TTC7A: variants seen among roughly 807,000 people sequenced by gnomAD.
The protein encoded by TTC7A is tetratricopeptide repeat domain 7A.
Under a neutral mutation model 103.7 loss-of-function variants are expected in TTC7A, and 110 were observed. The ratio of observed to expected loss-of-function variants is 1.06; its 90% CI spans 0.91 to 1.24. TTC7A has a LOEUF of 1.24. Ranked by LOEUF, TTC7A falls within the 50% of genes most tolerant of loss-of-function variation. The pLI is 0.00. For synonymous variants in TTC7A, 521 were observed against 467.9 expected (o/e 1.11, Z -1.47); for missense variants, 1,340 against 1,116.3 (o/e 1.20, Z -2.86).
chr2:47,036,377 C>T (rs1391436127), intron 15 of TTC7A, among the ~76,000 whole-genome samples: 1 of 152,206 alleles, frequency 6.6e-6, no homozygotes, highest in Non-Finnish European at 1.5e-5. Flanking sequence ...GGTGGAGGAT[C>T]ATCATGAGCC....
intron 11 of TTC7A, among the ~76,000 whole-genome samples, chr2:47,012,567 A>C (rs1678185672): frequency 2.0e-5 from 3 of 152,198 alleles, no homozygotes; most frequent in Admixed American, 2.0e-4. Flanking sequence ...CATAATTAGC[A>C]GCCTTTACAA....
chr2:46,917,634 T>C (rs955738190), intron 2 of TTC7A, among the ~76,000 whole-genome samples: 1 of 152,246 alleles, frequency 6.6e-6, no homozygotes, highest in African/African-American at 2.4e-5. Flanking sequence ...TCCTGTGTTA[T>C]GTCTCTCTTG....
intron 2 of TTC7A, among the ~76,000 whole-genome samples, chr2:46,932,816 G>A (rs1288761150): frequency 2.0e-5 from 3 of 149,352 alleles, no homozygotes; most frequent in South Asian, 2.1e-4. Context: ...CAGGAGGATC[G>A]CTTGAACCCA....
At chr2:46,987,225 G>A (rs985995906) in intron 5 of TTC7A, among the ~76,000 whole-genome samples, 3 of 152,244 alleles carry the variant, frequency 2.0e-5, no homozygotes, top group Non-Finnish European at 2.9e-5. Flanking sequence ...GCCCCAGGCA[G>A]TTCGGCCACC....
intron 16 of TTC7A, 33 bp downstream of exon 16, chr2:47,046,464 G>T (rs776417686): frequency 6.3e-7 from 1 of 1,578,382 alleles, no homozygotes; most frequent in Non-Finnish European, 8.7e-7. Context: ...TGGGTTGCCA[G>T]AGGGTGGTTG....
chr2:47,010,839 A>G (rs748367204), intron 10 of TTC7A, among the ~76,000 whole-genome samples: 10 of 152,116 alleles, frequency 6.6e-5, no homozygotes, highest in African/African-American at 1.7e-4. Flanking sequence ...CGTTGGGACT[A>G]TGGACACACG....
At chr2:47,043,076 G>A (rs1428648038) in intron 15 of TTC7A, among the ~76,000 whole-genome samples, 1 of 152,240 alleles carries the variant, frequency 6.6e-6, no homozygotes, top group African/African-American at 2.4e-5. Context: ...GCTCCGCCAG[G>A]CTTCCTGAAG....
At chr2:46,942,770 CCT>C (rs1277690448) in intron 1 of TTC7A, among the ~76,000 whole-genome samples, 1 of 152,198 alleles carries the variant, frequency 6.6e-6, no homozygotes, top group Non-Finnish European at 1.5e-5. Context: ...TGCACTATTA[CCT>C]CTCAAAGATG....
At chr2:46,928,498 G>T (rs1451328711) in intron 2 of TTC7A, among the ~76,000 whole-genome samples, 2 of 150,094 alleles carry the variant, frequency 1.3e-5, no homozygotes, top group African/African-American at 4.9e-5. Flanking sequence ...TGGGCCATGT[G>T]TGGTGGCTCA....
intron 2 of TTC7A, among the ~76,000 whole-genome samples, chr2:46,955,345 G>A (rs529059640): frequency 6.6e-6 from 1 of 152,240 alleles, no homozygotes; most frequent in Non-Finnish European, 1.5e-5. Flanking sequence ...CTGGCCCAGG[G>A]AGTGGATGGC....
intron 2 of TTC7A, among the ~76,000 whole-genome samples, chr2:46,919,800 C>G (rs1275627991): frequency 1.3e-5 from 2 of 152,222 alleles, no homozygotes; most frequent in African/African-American, 4.8e-5. Flanking sequence ...GAACTTAATA[C>G]ACTGCCACCA....
chr2:46,961,605 A>AAATAAATAAATAAATAAAT (rs377767079), intron 3 of TTC7A, among the ~76,000 whole-genome samples: 2 of 140,860 alleles, frequency 1.4e-5, no homozygotes, highest in Non-Finnish European at 3.1e-5. Flanking sequence ...ATAAATAAAT[A>AAATAAATAAATAAATAAAT]AAATAAAAAA....
chr2:46,933,449 T>A (rs1430417908), intron 2 of TTC7A, among the ~76,000 whole-genome samples: 2 of 152,270 alleles, frequency 1.3e-5, no homozygotes, highest in Non-Finnish European at 2.9e-5. Context: ...AGCTTGCCTT[T>A]GTAGGACTTC....
At chr2:47,013,319 A>T (rs770204726) in intron 11 of TTC7A, among the ~76,000 whole-genome samples, 2 of 152,174 alleles carry the variant, frequency 1.3e-5, no homozygotes, top group African/African-American at 4.8e-5. Context: ...AGGTAGGGCG[A>T]CCTTGTGAGC....
At chr2:46,956,489 G>T in intron 2 of TTC7A, 1 of 252,220 alleles carries the variant, frequency 4.0e-6, no homozygotes, top group Non-Finnish European at 7.7e-6. Flanking sequence ...TAGAATAAAT[G>T]CCTGAGCTTC....
chr2:47,001,877 A>G (rs1676855515), intron 8 of TTC7A, among the ~76,000 whole-genome samples: 2 of 151,870 alleles, frequency 1.3e-5, no homozygotes, highest in Admixed American at 6.6e-5. Flanking sequence ...AAAAAAAAAA[A>G]AAGAGTAATG....
At chr2:46,958,339 G>T (rs1672069460) in intron 3 of TTC7A, among the ~76,000 whole-genome samples, 1 of 152,246 alleles carries the variant, frequency 6.6e-6, no homozygotes, top group Non-Finnish European at 1.5e-5. Flanking sequence ...GGGGTGATCT[G>T]CATTTGGCAT....
chr2:47,017,339 A>G (rs1678778681), intron 11 of TTC7A, among the ~76,000 whole-genome samples: 1 of 151,462 alleles, frequency 6.6e-6, no homozygotes, highest in African/African-American at 2.4e-5. Flanking sequence ...ACATAGTGAG[A>G]CCCACCCTGC....
At chr2:47,006,789 AG>A in intron 10 of TTC7A, 65 bp downstream of exon 10, 1 of 1,348,218 alleles carries the variant, frequency 7.4e-7, no homozygotes, top group Non-Finnish European at 1.1e-6. Flanking sequence ...AGATGGACAG[AG>A]GGGCTTTTCT....
Sources: gnomAD v4.1 joint callset for allele counts (sites outside exome capture counted in the v4.1 genomes callset) on GRCh38, gnomAD v4.1.1 for gene constraint, MANE v1.5 for transcripts, NCBI Gene and HGNC (gene_info 2026-07-23, HGNC 2026-07-21) for gene names.